Variants in FAM161A observed in about 807,000 individuals in gnomAD.
FAM161A encodes the protein FAM161 centrosomal protein A.
A neutral mutation model predicts 70.9 loss-of-function variants in FAM161A; 57 were observed. That is an observed-to-expected ratio of 0.80 (90% CI 0.65 to 1.00). The LOEUF is 1.00. Ranked by LOEUF, FAM161A falls within the 50% of genes least tolerant of loss-of-function variation. The pLI is 0.00. For synonymous variants in FAM161A, 299 were observed against 295.7 expected (o/e 1.01, Z -0.12); for missense variants, 880 against 836.0 (o/e 1.05, Z -0.65).
At chr2:61,844,012 G>A (rs1156965076) in intron 1 of FAM161A, among the ~76,000 whole-genome samples, 1 of 151,978 alleles carries the variant, frequency 6.6e-6, no homozygotes, top group Non-Finnish European at 1.5e-5. Flanking sequence ...GTGTGCTGGC[G>A]GGCACCTATA....
rs1275321570 is a variant in FAM161A, at chr2:61,825,984, A to G, written c.*471T>C. Reference sequence around the variant, plus strand: ...GGCTCAGAGCAGCAAAACAAGTTAGAGGATTTATTCTGTGAAATGCACTGC... The same window carrying G: ...GGCTCAGAGCAGCAAAACAAGTTAGGGGATTTATTCTGTGAAATGCACTGC... On this transcript the variant is annotated 3_prime_UTR_variant, in exon 7 of 7. Coordinates refer to ENST00000404929, the MANE Select transcript of FAM161A (RefSeq NM_001201543.2). 1 of 454,206 alleles carries G rather than the reference A, an allele frequency of 2.2e-6. No homozygotes were observed. The highest frequency in any genetic ancestry group is 6.9e-5 in the East Asian group (1 of 14,534). 28.1% of individuals were successfully genotyped at this position (454,206 alleles called of 1,614,324 possible).
intron 4 of FAM161A, 57 bp from the exon 5 acceptor site, chr2:61,836,166 A>G (rs531352793): frequency 3.3e-4 from 374 of 1,149,970 alleles, no homozygotes; most frequent in Admixed American, 3.6e-4. Context: ...ATAAGAACTT[A>G]CATATGTAAC....
intron 1 of FAM161A, among the ~76,000 whole-genome samples, chr2:61,846,088 CAAAAAAAAAA>C (rs35291624): frequency 1.4e-5 from 1 of 69,018 alleles, no homozygotes; most frequent in Non-Finnish European, 2.6e-5. Context: ...GACTCTGTCT[CAAAAAAAAAA>C]AAAAAAAAAA....
In FAM161A at chr2:61,826,605, G is replaced by A; in HGVS notation, c.2007-6C>T. ...TTTTTTCTTCTTCATTAAAGCTAGG[G>A]GAAGAAATTTATCAATCTTTCAAAG... On this transcript the variant is annotated splice_region_variant and splice_polypyrimidine_tract_variant and intron_variant, in intron 6 of 6. Transcript: ENST00000404929. The A allele has an allele frequency of 6.3e-7, 1 of 1,599,496 alleles. No individual in the cohort carries two copies. Among genetic ancestry groups the A allele is most frequent in the East Asian group, 2.2e-5 (1 of 44,792 alleles).
Position 61,826,516 on chromosome 2 carries a change from T to C in FAM161A, c.2090A>G (p.Lys697Arg). 1.9e-6 allele frequency: 3 copies of C among 1,607,474 alleles called. No homozygotes were observed. Among genetic ancestry groups the C allele is most frequent in the Non-Finnish European group, 1.7e-6 (2 of 1,175,852 alleles). ...TTCCTCATTGGCTTCATCTTTTTCC[T>C]TGTAAGAATCCTGGCTGTTGGTATC... ...FIDTNSQDSY[K>R]EKDEANEESE... Residue 697 changes from lysine (K) to arginine (R), a missense_variant, in exon 7 of 7, where the codon AAG becomes AGG. Coordinates refer to ENST00000404929, the MANE Select transcript of FAM161A (RefSeq NM_001201543.2).
chr2:61,844,695 T>C (rs1673143658), intron 1 of FAM161A, among the ~76,000 whole-genome samples: 1 of 152,176 alleles, frequency 6.6e-6, no homozygotes, highest in Admixed American at 6.5e-5. Context: ...CAAGACTCTG[T>C]CTCACTTAAA....
At chr2:61,808,614 T>A in the FAM161A span, among the ~76,000 whole-genome samples, 1 of 152,150 alleles carries the variant, frequency 6.6e-6, no homozygotes, top group Admixed American at 6.5e-5. Flanking sequence ...AGTTTTCAGT[T>A]GGCTCTTTTT....
intron 1 of FAM161A, among the ~76,000 whole-genome samples, chr2:61,843,161 C>T (rs1572885794): frequency 1.3e-5 from 2 of 152,000 alleles, no homozygotes; most frequent in East Asian, 1.9e-4. Context: ...TTTGTTTTTA[C>T]GAGACGGAGT....
chr2:61,819,165 C>G, the FAM161A span, among the ~76,000 whole-genome samples: 1 of 152,016 alleles, frequency 6.6e-6, no homozygotes, highest in Non-Finnish European at 1.5e-5. Context: ...AGAGAGCTGT[C>G]TAGACAAAAA....
the FAM161A span, among the ~76,000 whole-genome samples, chr2:61,809,829 TG>T: frequency 6.6e-6 from 1 of 152,200 alleles, no homozygotes; most frequent in Non-Finnish European, 1.5e-5. Flanking sequence ...CTTCCACTTT[TG>T]TCCCTTTGGA....
At chr2:61,830,683 C>A (rs1224644427) in intron 5 of FAM161A, among the ~76,000 whole-genome samples, 521 of 81,976 alleles carry the variant, frequency 6.4e-3, no homozygotes, top group East Asian at 9.4e-3. Flanking sequence ...GACCCTGTCT[C>A]AAAAAAAAAA....
At chr2:61,816,411 G>A in the FAM161A span, among the ~76,000 whole-genome samples, 1 of 152,106 alleles carries the variant, frequency 6.6e-6, no homozygotes, top group Non-Finnish European at 1.5e-5. Flanking sequence ...TGGGGAGTTA[G>A]GATTTATTCT....
chr2:61,848,872 ATTT>A (rs1673338600), intron 1 of FAM161A, among the ~76,000 whole-genome samples: 5 of 21,484 alleles, frequency 2.3e-4, no homozygotes, highest in African/African-American at 1.1e-3. Flanking sequence ...TTATATATAT[ATTT>A]ATATATATAT....
chr2:61,851,943 A>G (rs544711182), intron 1 of FAM161A, among the ~76,000 whole-genome samples: 6 of 152,294 alleles, frequency 3.9e-5, no homozygotes, highest in African/African-American at 1.2e-4. Flanking sequence ...ACTACATTTT[A>G]TAGATAATAA....
intron 4 of FAM161A, chr2:61,836,361 T>C (rs1672774357): frequency 2.8e-6 from 1 of 355,218 alleles, no homozygotes; most frequent in East Asian, 5.6e-5. Flanking sequence ...GCTCTAGGAA[T>C]AGTCTGGACA....
the FAM161A span, among the ~76,000 whole-genome samples, chr2:61,816,571 C>T: frequency 2.8e-4 from 43 of 152,126 alleles, 1 homozygote; most frequent in Admixed American, 2.5e-3. Flanking sequence ...AGCAATCCTC[C>T]GCCTCAGTCT....
intron 4 of FAM161A, chr2:61,836,668 T>C (rs1428117683): frequency 6.5e-6 from 1 of 154,672 alleles, no homozygotes; most frequent in African/African-American, 2.4e-5. Flanking sequence ...ACCTCCTGGG[T>C]TCATGCAATT....
the FAM161A span, among the ~76,000 whole-genome samples, chr2:61,814,690 G>C: frequency 6.6e-6 from 1 of 152,154 alleles, no homozygotes; most frequent in South Asian, 2.1e-4. Flanking sequence ...ACTCCAGCCT[G>C]GGCAGCAGGG....
rs770070223 is a variant in FAM161A, at chr2:61,854,042, C to T, written c.-1G>A. ...TCGCCACTCGGTGGGAGGTGGCCAT[C>T]GCCCCGCCTCCGAGGCCTGAGCGCC... On this transcript the variant is annotated 5_prime_UTR_variant, in exon 1 of 7. Transcript: ENST00000404929. 1.6e-5 allele frequency: 26 copies of T among 1,603,094 alleles called. No individual in the cohort carries two copies. Among genetic ancestry groups the T allele is most frequent in the East Asian group, 2.3e-5 (1 of 44,410 alleles).
Sources: gnomAD v4.1 joint callset for allele counts (sites outside exome capture counted in the v4.1 genomes callset) on GRCh38, gnomAD v4.1.1 for gene constraint, MANE v1.5 for transcripts, NCBI Gene and HGNC (gene_info 2026-07-23, HGNC 2026-07-21) for gene names.